KIF1A: variants seen among roughly 807,000 people sequenced by gnomAD.
The protein encoded by KIF1A is kinesin family member 1A.
Under a neutral mutation model 227.3 loss-of-function variants are expected in KIF1A, and 46 were observed. The observed-to-expected ratio is 0.20, with a 90% confidence interval of 0.16 to 0.26. The LOEUF is 0.26. KIF1A is among the 10% of genes least tolerant of loss of function. The pLI is 1.00. For missense variants in KIF1A, 1,683 were observed against 2,485.9 expected (o/e 0.68, Z 6.87); for synonymous variants, 1,022 against 1,012.8 (o/e 1.01, Z -0.17).
In KIF1A at chr2:240,752,829, G is replaced by C. The variant is rs4676373; in HGVS notation, c.2859-2282C>G. 0.52 allele frequency among the ~76,000 whole-genome samples: 79,307 copies of C among 151,994 alleles called. 20,984 individuals are homozygous for C. The highest frequency in any genetic ancestry group is 0.68 in the East Asian group (3,459 of 5,106). On this transcript the variant is annotated intron_variant, in intron 27 of 48. Coordinates refer to ENST00000498729, the MANE Select transcript of KIF1A (RefSeq NM_001244008.2). This position sits in a 1 kb window ranked among gnomAD's most constrained non-coding sequence, Gnocchi z 6.4. ...AAGCCCATGGGGTGGTGCTCGGAGAGGGGGCAGGACCTGGGACCACTCCCA... is the reference window on the plus strand; with the variant it reads ...AAGCCCATGGGGTGGTGCTCGGAGACGGGGCAGGACCTGGGACCACTCCCA...
chr2:240,737,357 T>TTAC, intron 37 of KIF1A, 189 bp from the exon 38 acceptor site: 1 of 545,186 alleles, frequency 1.8e-6, no homozygotes, highest in East Asian at 3.0e-5. Flanking sequence ...CCATGTGTAG[T>TTAC]TGCTGCTCCA....
chr2:240,747,117 C>T (rs2048691930), intron 29 of KIF1A, 119 bp downstream of exon 29: 1 of 673,130 alleles, frequency 1.5e-6, no homozygotes. Flanking sequence ...GAGGGAAGAA[C>T]CCCAAGAGGA....
At chr2:240,805,402 T>C (rs973698933) in intron 1 of KIF1A, among the ~76,000 whole-genome samples, 1 of 152,036 alleles carries the variant, frequency 6.6e-6, no homozygotes, top group Non-Finnish European at 1.5e-5. Flanking sequence ...ATCAGCAAAT[T>C]AAATGGAGCT....
At chr2:240,760,925 C>T in intron 24 of KIF1A, 82 bp from the exon 25 acceptor site, 1 of 1,347,120 alleles carries the variant, frequency 7.4e-7, no homozygotes, top group Non-Finnish European at 1.0e-6. Context: ...TTCCCACCTT[C>T]TGGAGATTTC....
intron 1 of KIF1A, among the ~76,000 whole-genome samples, chr2:240,803,525 G>A (rs147579063): frequency 8.5e-5 from 13 of 152,206 alleles, no homozygotes; most frequent in Non-Finnish European, 1.6e-4. Context: ...TTATGGGAGC[G>A]TTTAGGTCTT....
chr2:240,820,486 C>T (rs1559555394), upstream of KIF1A, among the ~76,000 whole-genome samples: 1 of 151,656 alleles, frequency 6.6e-6, no homozygotes, highest in African/African-American at 2.4e-5. This position sits in a 1 kb window ranked among gnomAD's most constrained non-coding sequence, Gnocchi z 6.2. Flanking sequence ...GCGTCCCCTC[C>T]CCCGGCGTGC....
chr2:240,787,964 C>A (rs940959449), intron 4 of KIF1A, 87 bp downstream of exon 4: 5 of 1,317,046 alleles, frequency 3.8e-6, no homozygotes, highest in Non-Finnish European at 4.2e-6. Flanking sequence ...GGGGGCTGCT[C>A]TCAGGGGTGC....
In KIF1A at chr2:240,765,809, G is replaced by C. The variant is rs2051097420; in HGVS notation, c.1685-16C>G. On this transcript the variant is annotated splice_polypyrimidine_tract_variant and intron_variant, in intron 19 of 48. Coordinates refer to ENST00000498729, the MANE Select transcript of KIF1A (RefSeq NM_001244008.2). ...GTCACCACAGCTACAGGAAAGGTGG[G>C]AGGGGCAGAGAGGAGGACTATGAGG... The C allele has an allele frequency of 6.3e-7, 1 of 1,597,434 alleles. No individual in the cohort carries two copies. Among genetic ancestry groups the C allele is most frequent in the African/African-American group, 1.3e-5 (1 of 74,614 alleles).
chr2:240,772,526 G>T, intron 14 of KIF1A, 44 bp downstream of exon 14: 3 of 1,528,656 alleles, frequency 2.0e-6, no homozygotes, highest in Non-Finnish European at 2.7e-6. Flanking sequence ...ATGCTGGCTG[G>T]GGCTGGAAGC....
chr2:240,750,894 C>T (rs2049128892), intron 27 of KIF1A, among the ~76,000 whole-genome samples: 1 of 152,266 alleles, frequency 6.6e-6, no homozygotes, highest in Non-Finnish European at 1.5e-5. Context: ...AGGACCCAGA[C>T]CACACTGCAC....
At position 240,718,073 on chromosome 2, in the gene KIF1A, G is replaced by T; in HGVS notation, c.5310C>A (p.Asn1770Lys). ...KDMHDWLYAF[N>K]PLLAGTIRSK... The stretch of plus-strand genomic sequence containing the variant: ...ACCGTATGGTCCCGGCCAGGAGGGG[G>T]TTGAAGGCGTACAGCCAGTCATGCA... The change falls in exon 48 of 49, where the codon AAC (asparagine) becomes AAA (lysine). Residue 1770 changes from asparagine (N) to lysine (K), a missense_variant. This residue lies in a region of KIF1A where 384 missense variants were observed against 410.1 expected (regional missense o/e 0.94). Transcript: ENST00000498729. The T allele has an allele frequency of 6.2e-7, 1 of 1,610,608 alleles. No homozygotes were observed. Among genetic ancestry groups the T allele is most frequent in the Non-Finnish European group, 8.5e-7 (1 of 1,178,880 alleles).
chr2:240,782,555 C>CCGCACCTG (rs1427443288), intron 10 of KIF1A, 35 bp downstream of exon 10: 1 of 1,550,234 alleles, frequency 6.5e-7, no homozygotes. Flanking sequence ...CACCAGCCTC[C>CCGCACCTG]CGCACCTGCC....
rs1230877046 is a variant in KIF1A, at chr2:240,792,614, T to C, written c.107-3302A>G. Reference sequence around the variant, plus strand: ...CGTTTTCTCAGAGTCTCAGCTTTCCTGCGGCCTTGAGCACCAGGTGTGAGG... The same window carrying C: ...CGTTTTCTCAGAGTCTCAGCTTTCCCGCGGCCTTGAGCACCAGGTGTGAGG... On this transcript the variant is annotated intron_variant, in intron 2 of 48. Coordinates refer to ENST00000498729, the MANE Select transcript of KIF1A (RefSeq NM_001244008.2). This position sits in a 1 kb window ranked among gnomAD's most constrained non-coding sequence, Gnocchi z 4.5. 1.3e-5 allele frequency among the ~76,000 whole-genome samples: 2 copies of C among 152,156 alleles called. No individual in the cohort carries two copies. The highest frequency in any genetic ancestry group is 2.9e-5 in the Non-Finnish European group (2 of 68,028).
In KIF1A at chr2:240,731,368, G is replaced by A. The variant is rs1045895363; in HGVS notation, c.4008-4428C>T. 4.6e-5 allele frequency among the ~76,000 whole-genome samples: 7 copies of A among 152,188 alleles called. No homozygotes were observed. In the East Asian group the frequency reaches 1.2e-3, roughly 25 times the overall value. ...GTCCCCACAGGCTTGAGGAATGCAC[G>A]GACTTTGAGCAACATCGGATGCGGC... On this transcript the variant is annotated intron_variant, in intron 38 of 48. Coordinates refer to ENST00000498729, the MANE Select transcript of KIF1A (RefSeq NM_001244008.2).
At position 240,789,534 on chromosome 2, in the gene KIF1A, C is replaced by A. The variant is rs1410206089; in HGVS notation, c.107-222G>T. On this transcript the variant is annotated intron_variant, in intron 2 of 48. Coordinates refer to ENST00000498729, the MANE Select transcript of KIF1A (RefSeq NM_001244008.2). The surrounding 1 kb of genome is among the most constrained non-coding windows in gnomAD (Gnocchi z 4.8). ...CACCCATGGATGTCCAAGGGTACCA[C>A]CATACCAGCCTGCAAGGCTCTGTGT... 6.6e-6 allele frequency among the ~76,000 whole-genome samples: 1 copy of A among 152,186 alleles called. No individual in the cohort carries two copies. The highest frequency in any genetic ancestry group is 1.5e-5 in the Non-Finnish European group (1 of 68,024).
At chr2:240,748,627 A>G (rs546035669) in intron 28 of KIF1A, 15 of 251,666 alleles carry the variant, frequency 6.0e-5, no homozygotes, top group South Asian at 5.9e-4. Flanking sequence ...AGGTGTTCCC[A>G]GCTTCCCTGA....
intron 10 of KIF1A, among the ~76,000 whole-genome samples, 163 bp from the exon 11 acceptor site, chr2:240,776,089 C>T (rs1476440635): frequency 1.3e-5 from 2 of 152,238 alleles, no homozygotes; most frequent in Non-Finnish European, 2.9e-5. Context: ...AGGCCTCTCC[C>T]TGCCCAGACC....
chr2:240,719,508 T>C (rs1292624125), intron 46 of KIF1A, among the ~76,000 whole-genome samples: 3 of 152,254 alleles, frequency 2.0e-5, no homozygotes, highest in Non-Finnish European at 4.4e-5. Context: ...GCCTTGGCTC[T>C]GACCCCACCC....
chr2:240,733,928 G>A (rs905800180), intron 38 of KIF1A, among the ~76,000 whole-genome samples: 1 of 152,250 alleles, frequency 6.6e-6, no homozygotes, highest in African/African-American at 2.4e-5. Flanking sequence ...GCCTGGATTA[G>A]GGACTTGGAG....
Sources: allele counts gnomAD v4.1 joint callset (sites outside exome capture counted in the v4.1 genomes callset), GRCh38; gene constraint gnomAD v4.1.1; regional missense constraint gnomAD v4.1.1; non-coding constraint Gnocchi (gnomAD v3.1); transcripts MANE v1.5; gene names NCBI Gene and HGNC (gene_info 2026-07-23, HGNC 2026-07-21).